Variants in SORCS2 observed in about 807,000 individuals in gnomAD.
SORCS2 encodes VPS10 domain-containing receptor SorCS2.
A neutral mutation model predicts 141.6 loss-of-function variants in SORCS2; 100 were observed. The observed-to-expected ratio is 0.71, with a 90% confidence interval of 0.60 to 0.83. The LOEUF (loss-of-function observed/expected upper bound fraction) is 0.83. Ranked by LOEUF, SORCS2 falls within the 40% of genes least tolerant of loss-of-function variation. The pLI, the probability that SORCS2 is intolerant of heterozygous loss-of-function variation, is 0.00. For synonymous variants in SORCS2, 789 were observed against 676.9 expected (o/e 1.17, Z -2.57); for missense variants, 1,646 against 1,560.2 (o/e 1.05, Z -0.93).
rs115425313 is a variant in SORCS2, at chr4:7,435,737, A to T, written c.548+39382A>T. Among the ~76,000 whole-genome samples, 822 of 152,330 alleles carry T rather than the reference A, an allele frequency of 5.4e-3. 6 individuals are homozygous for T. Among genetic ancestry groups the T allele is most frequent in the African/African-American group, 0.018 (762 of 41,580 alleles). ...CTTTTTCTTCTTCCTTAGTTTTTAA[A>T]ATAGTTCTTAGGCAAGAGAGTCAGC... On this transcript the variant is annotated intron_variant, in intron 2 of 26. Transcript: ENST00000507866.
chr4:7,578,432 T>C (rs1303731641), intron 3 of SORCS2, among the ~76,000 whole-genome samples: 1 of 152,244 alleles, frequency 6.6e-6, no homozygotes, highest in East Asian at 1.9e-4. Flanking sequence ...TAAAGTCCTT[T>C]GAAAGTTTTT....
At chr4:7,712,652 C>A (rs1261332517) in intron 14 of SORCS2, 81 bp from the exon 15 acceptor site, 2 of 1,580,152 alleles carry the variant, frequency 1.3e-6, no homozygotes, top group Admixed American at 3.4e-5. Flanking sequence ...GGAACAGAGT[C>A]CAGAGGGGAC....
rs969540836 is a variant in SORCS2, at chr4:7,201,274, G to C, written c.480+8148G>C. Among the ~76,000 whole-genome samples the C allele has an allele frequency of 6.6e-6, 1 of 152,238 alleles. No homozygotes were observed. Among genetic ancestry groups the C allele is most frequent in the Non-Finnish European group, 1.5e-5 (1 of 68,040 alleles). On this transcript the variant is annotated intron_variant, in intron 1 of 26. Transcript: ENST00000507866. This position sits in a 1 kb window ranked among gnomAD's most constrained non-coding sequence, Gnocchi z 4.4. ...GCGCTCATGGGCACAGGAGAGACTCGTGCGTTGATCAAGAAGCCTGGCTCG... is the reference window on the plus strand; with the variant it reads ...GCGCTCATGGGCACAGGAGAGACTCCTGCGTTGATCAAGAAGCCTGGCTCG...
At chr4:7,713,201 G>A (rs1026657630) in intron 15 of SORCS2, among the ~76,000 whole-genome samples, 2 of 152,164 alleles carry the variant, frequency 1.3e-5, no homozygotes, top group African/African-American at 4.8e-5. Context: ...TGACATTGGG[G>A]TCTGGGTGTG....
At chr4:7,417,852 G>A (rs978099915) in intron 2 of SORCS2, among the ~76,000 whole-genome samples, 3 of 152,198 alleles carry the variant, frequency 2.0e-5, no homozygotes, top group African/African-American at 7.2e-5. Context: ...GTCGCTGAAG[G>A]CTCCCAGGGC....
intron 3 of SORCS2, among the ~76,000 whole-genome samples, chr4:7,532,913 GGT>G (rs1711779283): frequency 1.3e-5 from 2 of 152,152 alleles, no homozygotes; most frequent in Admixed American, 1.3e-4. Context: ...ACAGAGGGGA[GGT>G]GAGGGAGACC....
chr4:7,499,168 GTGCATGTATGTGTA>G lies in SORCS2; in HGVS notation c.549-32354_549-32341del, dbSNP rs1731810996. Among the ~76,000 whole-genome samples, 3 of 152,308 alleles carry G rather than the reference GTGCATGTATGTGTA, an allele frequency of 2.0e-5. No homozygotes were observed. In the South Asian group the frequency reaches 6.2e-4, roughly 32 times the overall value. On this transcript the variant is annotated intron_variant, in intron 2 of 26. Coordinates refer to ENST00000507866, the MANE Select transcript of SORCS2 (RefSeq NM_020777.3). ...ATGTAGCACGAGTATGTGCATGTGA[GTGCATGTATGTGTA>G]TGCATGTGTGTGTACATGTGTCTGA...
At chr4:7,739,829 G>A (rs1412462361) in intron 26 of SORCS2, among the ~76,000 whole-genome samples, 1 of 152,076 alleles carries the variant, frequency 6.6e-6, no homozygotes, top group African/African-American at 2.4e-5. Flanking sequence ...CCGGGGCCTC[G>A]CCACTCTACG....
chr4:7,510,446 C>T (rs1435142565), intron 2 of SORCS2, among the ~76,000 whole-genome samples: 2 of 152,230 alleles, frequency 1.3e-5, no homozygotes, highest in Non-Finnish European at 2.9e-5. Context: ...TTGGCCAGGA[C>T]AGCCGAGGTT....
At chr4:7,426,101 G>A (rs1446175786) in intron 2 of SORCS2, among the ~76,000 whole-genome samples, 1 of 152,212 alleles carries the variant, frequency 6.6e-6, no homozygotes, top group Admixed American at 6.5e-5. Context: ...GTTCATCAGT[G>A]TATGTCCTCC....
At chr4:7,443,037 G>C (rs1451288777) in intron 2 of SORCS2, among the ~76,000 whole-genome samples, 25 of 152,186 alleles carry the variant, frequency 1.6e-4, no homozygotes, top group Admixed American at 1.6e-3. Flanking sequence ...TTTCTTCTCT[G>C]TGTCCAAATT....
chr4:7,294,716 T>C (rs1181233105), intron 1 of SORCS2, among the ~76,000 whole-genome samples: 8 of 32,066 alleles, frequency 2.5e-4, no homozygotes, highest in Admixed American at 9.0e-4. Context: ...CCTCCTCCTC[T>C]CCCTCCTCCT....
At chr4:7,724,456 ATGGTGGTGG>A (rs1175354716) in intron 19 of SORCS2, among the ~76,000 whole-genome samples, 1 of 82,862 alleles carries the variant, frequency 1.2e-5, no homozygotes, top group South Asian at 5.8e-4. Context: ...GGTGGTGGTG[ATGGTGGTGG>A]TGATGGTGAT....
intron 11 of SORCS2, among the ~76,000 whole-genome samples, chr4:7,693,114 GC>G (rs1724364242): frequency 6.6e-6 from 1 of 152,216 alleles, no homozygotes; most frequent in African/African-American, 2.4e-5. Flanking sequence ...GGACTGAACG[GC>G]TGGCTCCCTT....
At chr4:7,593,430 CA>C (rs548534263) in intron 3 of SORCS2, among the ~76,000 whole-genome samples, 67 of 152,304 alleles carry the variant, frequency 4.4e-4, no homozygotes, top group African/African-American at 1.3e-3. Context: ...TGCCTGCAGT[CA>C]AAGGGCAGGA....
chr4:7,699,749 C>A (rs7689603), intron 12 of SORCS2, among the ~76,000 whole-genome samples: 69,936 of 151,788 alleles, frequency 0.46, 16,461 homozygotes, highest in East Asian at 0.74. Context: ...TGGTCTCCGC[C>A]ACCCGCCTGG....
chr4:7,370,894 C>T (rs566735192), intron 1 of SORCS2, among the ~76,000 whole-genome samples: 1 of 152,288 alleles, frequency 6.6e-6, no homozygotes, highest in South Asian at 2.1e-4. Flanking sequence ...TCCCCTCAAT[C>T]CCCTAGGCAG....
rs970966181 is a variant in SORCS2, at chr4:7,741,016, G to T, written c.*752G>T. The T allele has an allele frequency of 3.3e-5, 13 of 398,582 alleles. No homozygotes were observed. Among genetic ancestry groups the T allele is most frequent in the African/African-American group, 2.3e-4 (11 of 48,602 alleles). The allele number at this position is 398,582 out of a possible 1,614,324, so 24.7% of individuals were successfully genotyped here. On this transcript the variant is annotated 3_prime_UTR_variant, in exon 27 of 27. Coordinates refer to ENST00000507866, the MANE Select transcript of SORCS2 (RefSeq NM_020777.3). ...CTCCCCAGGGCAGACGGGGTAGGGCGGGCTCAGGACCCAGTGCCCATGGTT... is the reference window on the plus strand; with the variant it reads ...CTCCCCAGGGCAGACGGGGTAGGGCTGGCTCAGGACCCAGTGCCCATGGTT...
intron 12 of SORCS2, among the ~76,000 whole-genome samples, chr4:7,701,264 AAGAG>A (rs1395324110): frequency 6.7e-6 from 1 of 150,186 alleles, no homozygotes; most frequent in Non-Finnish European, 1.5e-5. Context: ...GGGAGGGAAG[AAGAG>A]GGAGGGAGGG....
Sources: allele counts gnomAD v4.1 joint callset (sites outside exome capture counted in the v4.1 genomes callset), GRCh38; gene constraint gnomAD v4.1.1; non-coding constraint Gnocchi (gnomAD v3.1); transcripts MANE v1.5; gene names NCBI Gene and HGNC (gene_info 2026-07-23, HGNC 2026-07-21).